Variants in KCNN2 observed in about 807,000 individuals in gnomAD.
KCNN2 encodes the protein small conductance calcium-activated potassium channel protein 2.
A neutral mutation model predicts 55.5 loss-of-function variants in KCNN2; 24 were observed. The ratio of observed to expected loss-of-function variants is 0.43; its 90% CI spans 0.31 to 0.61. The LOEUF (loss-of-function observed/expected upper bound fraction) is 0.61. KCNN2 is among the 20% of genes least tolerant of loss of function. KCNN2 has a pLI of 0.08. For synonymous variants in KCNN2, 431 were observed against 336.1 expected (o/e 1.28, Z -3.09); for missense variants, 754 against 853.6 (o/e 0.88, Z 1.45).
At chr5:114,199,801 AT>A (rs1363676724) in intron 1 of KCNN2, among the ~76,000 whole-genome samples, 1 of 151,816 alleles carries the variant, frequency 6.6e-6, no homozygotes, top group Non-Finnish European at 1.5e-5. Flanking sequence ...TTGGCAGATA[AT>A]TTTTTTCTAT....
At chr5:114,224,118 A>G (rs1284774390) in intron 2 of KCNN2, among the ~76,000 whole-genome samples, 2 of 152,186 alleles carry the variant, frequency 1.3e-5, no homozygotes, top group Non-Finnish European at 2.9e-5. Context: ...CCCTTTTGGT[A>G]GAGCCTAATA....
At chr5:114,486,407 G>T (rs143165362) in intron 5 of KCNN2, among the ~76,000 whole-genome samples, 1 of 152,274 alleles carries the variant, frequency 6.6e-6, no homozygotes, top group Non-Finnish European at 1.5e-5. Context: ...AGCTGCTGTA[G>T]GTCTTGGCAG....
intron 2 of KCNN2, among the ~76,000 whole-genome samples, chr5:114,372,481 C>A (rs1368429714): frequency 6.6e-6 from 1 of 152,164 alleles, no homozygotes; most frequent in Non-Finnish European, 1.5e-5. Context: ...CAGGATCTTT[C>A]AGTCTATTAG....
At chr5:114,065,386 T>C in intron 1 of KCNN2, among the ~76,000 whole-genome samples, 1 of 152,234 alleles carries the variant, frequency 6.6e-6, no homozygotes. Context: ...AGGGCACCTA[T>C]GTGTACATGA....
In KCNN2 at chr5:114,318,049, C is replaced by T. The variant is rs539477282; in HGVS notation, c.-184-42896C>T. Among the ~76,000 whole-genome samples the T allele has an allele frequency of 2.6e-5, 4 of 152,224 alleles. No individual in the cohort carries two copies. The South Asian group carries it at 6.2e-4, about 24-fold the overall frequency. ...TAGAAGGATAAGTCCATTCACATTCCCTGTGTTTTTTTGTTCCATCTCTGC... is the reference window on the plus strand; with the variant it reads ...TAGAAGGATAAGTCCATTCACATTCTCTGTGTTTTTTTGTTCCATCTCTGC... On this transcript the variant is annotated intron_variant, in intron 2 of 10. Coordinates refer to the KCNN2 transcript ENST00000512097.
chr5:114,271,059 C>T (rs1561548293), intron 2 of KCNN2, among the ~76,000 whole-genome samples: 1 of 152,062 alleles, frequency 6.6e-6, no homozygotes. Context: ...TGGAAGGTGA[C>T]CCGAGTGGGT....
chr5:114,081,162 T>C, intron 1 of KCNN2, among the ~76,000 whole-genome samples: 1 of 152,038 alleles, frequency 6.6e-6, no homozygotes, highest in Non-Finnish European at 1.5e-5. Flanking sequence ...CATAAGTAAA[T>C]AGAAACATCT....
rs188802023 is a variant in KCNN2 at position 114,363,740 on chromosome 5, C to T, written c.1123-166C>T. ...ACTCTCGTCTCTTTTGGTTTTGAGG[C>T]CGAGTGATCTGACAGATCACAGAGC... On this transcript the variant is annotated intron_variant, in intron 1 of 7. Transcript: ENST00000673685. 1.2e-3 allele frequency among the ~76,000 whole-genome samples: 182 copies of T among 152,276 alleles called. 1 individual carries two copies. Among genetic ancestry groups the T allele is most frequent in the Non-Finnish European group, 2.3e-3 (159 of 68,014 alleles).
intron 2 of KCNN2, among the ~76,000 whole-genome samples, chr5:114,403,058 A>G (rs933128810): frequency 6.6e-6 from 1 of 152,230 alleles, no homozygotes; most frequent in African/African-American, 2.4e-5. Context: ...TGTAAGCAGT[A>G]TATCGGAGTG....
rs1352376358 is a variant in KCNN2 at position 114,383,502 on chromosome 5, T to C, written c.1218+19501T>C. Among the ~76,000 whole-genome samples, 4 of 150,016 alleles carry C rather than the reference T, an allele frequency of 2.7e-5. No homozygotes were observed. The East Asian group carries it at 7.9e-4, about 30-fold the overall frequency. On this transcript the variant is annotated intron_variant, in intron 2 of 7. Transcript: ENST00000673685. ...TTTTTTTTTTTTGAGGCAGTCTTGC[T>C]TTGTCACCCAGGCTGGAGTGCAGTG...
Position 114,362,915 on chromosome 5 carries a change from C to T in KCNN2, c.776C>T (p.Ser259Phe), listed in dbSNP as rs1757480860. The T allele has an allele frequency of 6.3e-7, 1 of 1,584,384 alleles. No homozygotes were observed. Among genetic ancestry groups the T allele is most frequent in the Non-Finnish European group, 8.5e-7 (1 of 1,174,334 alleles). ...TCTGTCGGAGGAGGTGGCGGCGCGT[C>T]CTCCCCGTCTGCAGCCGCTGCCGCC... ...PASVGGGGGASSPSAAAAAAA... is the reference protein window; with the variant it reads ...PASVGGGGGAFSPSAAAAAAA... The change falls in exon 1 of 8, where the codon TCC (serine) becomes TTC (phenylalanine). Residue 259 changes from serine to phenylalanine, a missense_variant. By Grantham distance (155) the Ser-to-Phe change is radical. This residue lies in a region of KCNN2 where 381 missense variants were observed against 259.1 expected (regional missense o/e 1.47). Coordinates refer to ENST00000673685, the MANE Select transcript of KCNN2 (RefSeq NM_021614.4).
intron 1 of KCNN2, among the ~76,000 whole-genome samples, chr5:114,087,667 CTTAT>C: frequency 6.6e-6 from 1 of 152,166 alleles, no homozygotes; most frequent in South Asian, 2.1e-4. Flanking sequence ...TAAAATCCAT[CTTAT>C]TTATTTTCTT....
intron 3 of KCNN2, among the ~76,000 whole-genome samples, chr5:114,461,631 T>TAAGA (rs1761202240): frequency 6.6e-6 from 1 of 152,084 alleles, no homozygotes; most frequent in Non-Finnish European, 1.5e-5. Flanking sequence ...AGATAGAGTG[T>TAAGA]AAGATCTGCT....
chr5:114,138,605 A>G (rs749605951), intron 1 of KCNN2, among the ~76,000 whole-genome samples: 3 of 152,164 alleles, frequency 2.0e-5, no homozygotes, highest in Non-Finnish European at 4.4e-5. Flanking sequence ...TGAATATCCA[A>G]TAACACTGTT....
chr5:114,411,386 G>T (rs914256572), intron 3 of KCNN2, among the ~76,000 whole-genome samples: 1 of 152,038 alleles, frequency 6.6e-6, no homozygotes, highest in Non-Finnish European at 1.5e-5. Context: ...AGAGGAATTG[G>T]CTCACAGGAT....
intron 2 of KCNN2, among the ~76,000 whole-genome samples, chr5:114,309,272 A>G (rs192268607): frequency 1.3e-3 from 193 of 152,292 alleles, no homozygotes; most frequent in Middle Eastern, 6.8e-3. Context: ...TAGCGATTCA[A>G]AATTAGATTC....
chr5:114,229,481 T>A (rs1164776278), intron 2 of KCNN2, among the ~76,000 whole-genome samples: 1 of 151,984 alleles, frequency 6.6e-6, no homozygotes, highest in Non-Finnish European at 1.5e-5. Context: ...TTCCTGAAAT[T>A]CTTTCAAATG....
intron 2 of KCNN2, among the ~76,000 whole-genome samples, chr5:114,273,040 C>T (rs1345383864): frequency 6.6e-6 from 1 of 152,084 alleles, no homozygotes; most frequent in Non-Finnish European, 1.5e-5. Context: ...CCAACACCCC[C>T]CACAGGCCCT....
chr5:114,235,074 G>A (rs1580645798), intron 2 of KCNN2, among the ~76,000 whole-genome samples: 1 of 152,268 alleles, frequency 6.6e-6, no homozygotes, highest in East Asian at 1.9e-4. Context: ...TCTCCCATAT[G>A]AGAGCAAAGG....
Sources: gnomAD v4.1 joint callset for allele counts (sites outside exome capture counted in the v4.1 genomes callset) on GRCh38, gnomAD v4.1.1 for gene constraint, gnomAD v4.1.1 regional missense constraint, MANE v1.5 for transcripts, NCBI Gene and HGNC (gene_info 2026-07-23, HGNC 2026-07-21) for gene names.